The following SPATA22 variants were observed in gnomAD, a reference collection of about 807,000 sequenced individuals.
SPATA22 encodes spermatogenesis associated 22.
Under a neutral mutation model 47.8 loss-of-function variants are expected in SPATA22, and 29 were observed. That is an observed-to-expected ratio of 0.61 (90% CI 0.45 to 0.83). The LOEUF (loss-of-function observed/expected upper bound fraction) is 0.83. Among genes scored for constraint, SPATA22 ranks in the 40% least tolerant of loss-of-function variants. SPATA22 has a pLI of 0.00. For missense variants in SPATA22, 410 were observed against 421.7 expected, an observed-to-expected ratio of 0.97 and a Z score of 0.24; for synonymous variants, 133 against 140.9, an observed-to-expected ratio of 0.94 and a Z score of 0.40.
chr17:3,508,667 G>A (rs1049919379), intron 1 of SPATA22, among the ~76,000 whole-genome samples: 15 of 139,024 alleles, frequency 1.1e-4, no homozygotes, highest in African/African-American at 3.0e-4. Flanking sequence ...ACCAAACACC[G>A]CATGTTCTCA....
intron 7 of SPATA22, among the ~76,000 whole-genome samples, chr17:3,443,623 A>G (rs1324398495): frequency 1.3e-5 from 2 of 152,026 alleles, no homozygotes; most frequent in Middle Eastern, 3.2e-3. Context: ...GTAACAAATA[A>G]GCATCATAAT....
At position 3,448,997 on chromosome 17, in the gene SPATA22, G is replaced by A; in HGVS notation, c.482C>T (p.Pro161Leu). 1.2e-6 allele frequency: 2 copies of A among 1,613,914 alleles called. No homozygotes were observed. Among genetic ancestry groups the A allele is most frequent in the Non-Finnish European group, 1.7e-6 (2 of 1,179,942 alleles). The change falls in exon 6 of 9, where the codon CCT becomes CTT. Residue 161 changes from proline (P) to leucine (L), a missense_variant. Pro to Leu is a moderately conservative substitution (Grantham distance 98, BLOSUM62 -3). Coordinates refer to ENST00000572969, the MANE Select transcript of SPATA22 (RefSeq NM_001170698.2). ...GTTGCGAGATAAGTTAGGAGGTTCA[G>A]GTATTCTTAATTGTTTTTGTTGTTG... ...GAQQQKQLRIPEPPNLSRNKE... is the reference protein window; with the variant it reads ...GAQQQKQLRILEPPNLSRNKE...
At chr17:3,464,672 A>C (rs2073234167) in intron 3 of SPATA22, among the ~76,000 whole-genome samples, 1 of 132,628 alleles carries the variant, frequency 7.5e-6, no homozygotes, top group Admixed American at 7.6e-5. Context: ...CCCGGCCGCG[A>C]CCCCGTCTGG....
intron 1 of SPATA22, among the ~76,000 whole-genome samples, chr17:3,469,665 G>A (rs765690742): frequency 4.6e-5 from 7 of 151,968 alleles, no homozygotes; most frequent in African/African-American, 7.3e-5. Context: ...TCAGAATCCC[G>A]CACCCACAAA....
At chr17:3,472,437 G>C (rs572056886), upstream of SPATA22, 1 of 152,626 alleles carries the variant, frequency 6.6e-6, no homozygotes, top group African/African-American at 2.4e-5. Flanking sequence ...AAAGAGGACT[G>C]TGGATTCCTG....
intron 1 of SPATA22, among the ~76,000 whole-genome samples, chr17:3,479,308 C>G (rs2073586626): frequency 6.6e-6 from 1 of 152,152 alleles, no homozygotes; most frequent in African/African-American, 2.4e-5. Context: ...ATACTAGCAC[C>G]ATTTACTCAA....
chr17:3,444,299 A>T (rs2072667206), intron 7 of SPATA22, among the ~76,000 whole-genome samples: 1 of 152,042 alleles, frequency 6.6e-6, no homozygotes, highest in Admixed American at 6.6e-5. Context: ...CCCCAGATCC[A>T]CGAGTGAACT....
At chr17:3,482,227 G>A (rs953053269) in intron 1 of SPATA22, among the ~76,000 whole-genome samples, 2 of 152,062 alleles carry the variant, frequency 1.3e-5, no homozygotes, top group African/African-American at 2.4e-5. Flanking sequence ...AAGGTTTTAG[G>A]AAACTTAAGA....
At chr17:3,513,845 C>G in exon 1 of SPATA22, 4 of 1,341,302 alleles carry the variant, frequency 3.0e-6, no homozygotes, top group Non-Finnish European at 4.2e-6. Flanking sequence ...CTCAAAGCCT[C>G]TCTGCACAGA....
rs573048692 is a variant in SPATA22 at position 3,490,121 on chromosome 17, A to G, written c.-73-20723T>C. Among the ~76,000 whole-genome samples the G allele has an allele frequency of 1.1e-4, 17 of 152,320 alleles. No individual in the cohort carries two copies. Among genetic ancestry groups the G allele is most frequent in the African/African-American group, 3.1e-4 (13 of 41,574 alleles). On this transcript the variant is annotated intron_variant, in intron 1 of 8. Coordinates refer to the SPATA22 transcript ENST00000541913. The surrounding 1 kb of genome is among the most constrained non-coding windows in gnomAD (Gnocchi z 4.6). ...ATACATATATATGTTAACACATCACAGGGAAAGTCCTAGAAGAAAACACAC... is the reference window on the plus strand; with the variant it reads ...ATACATATATATGTTAACACATCACGGGGAAAGTCCTAGAAGAAAACACAC...
At chr17:3,492,525 T>C (rs531560298) in intron 1 of SPATA22, among the ~76,000 whole-genome samples, 51 of 152,304 alleles carry the variant, frequency 3.3e-4, no homozygotes, top group African/African-American at 1.2e-3. Context: ...TGTTCAGAGA[T>C]AGAGTCTATT....
chr17:3,509,723 T>C (rs1389486439), intron 1 of SPATA22, among the ~76,000 whole-genome samples: 1 of 152,212 alleles, frequency 6.6e-6, no homozygotes, highest in Non-Finnish European at 1.5e-5. Flanking sequence ...TGGTTGTGGA[T>C]CTTTGAGGAA....
chr17:3,489,235 G>T (rs2073778831), intron 1 of SPATA22: 1 of 1,591,556 alleles, frequency 6.3e-7, no homozygotes, highest in Non-Finnish European at 8.6e-7. Flanking sequence ...CTGTACCTAG[G>T]TATAGAAGTT....
In SPATA22 at chr17:3,467,458, GA is replaced by G. The variant is rs766660790; in HGVS notation, c.139del (p.Ser47LeufsTer18). The stretch of plus-strand genomic sequence containing the variant: ...TAGAGGAGGAAAATCATAATTGTCA[GA>G]AGGGGTACTGATACCTGAATCATCT... ...LKDDSGISTP[S>X]DNYDFPPLPT... On this transcript the variant is annotated frameshift_variant, in exon 3 of 9. Transcript: ENST00000572969. LOFTEE classifies it high-confidence loss of function. 70 of 1,606,344 alleles carry G rather than the reference GA, an allele frequency of 4.4e-5. No homozygotes were observed. The highest frequency in any genetic ancestry group is 5.6e-5 in the Non-Finnish European group (66 of 1,176,788).
At chr17:3,468,193 T>G (rs2073355601) in intron 2 of SPATA22, 1 of 152,202 alleles carries the variant, frequency 6.6e-6, no homozygotes, top group African/African-American at 2.4e-5. Context: ...CAAATGAGAA[T>G]AAATACTACT....
At chr17:3,443,007 G>A (rs940520702) in intron 8 of SPATA22, among the ~76,000 whole-genome samples, 167 bp downstream of exon 8, 6 of 152,040 alleles carry the variant, frequency 3.9e-5, no homozygotes, top group East Asian at 3.9e-4. Flanking sequence ...TACCTAGCAC[G>A]TAGTAGGCTC....
At chr17:3,509,324 AC>A (rs1221577590) in intron 1 of SPATA22, among the ~76,000 whole-genome samples, 2 of 149,350 alleles carry the variant, frequency 1.3e-5, no homozygotes, top group East Asian at 3.9e-4. Context: ...CTCACCCCCT[AC>A]CCCCCAACAG....
Position 3,490,898 on chromosome 17 carries a change from T to C in SPATA22, c.-73-21500A>G, listed in dbSNP as rs1170350303. On this transcript the variant is annotated intron_variant, in intron 1 of 8. Coordinates refer to the SPATA22 transcript ENST00000541913. The surrounding 1 kb of genome is among the most constrained non-coding windows in gnomAD (Gnocchi z 4.6). ...ATCTCTGCTTCAACCAGAGCTCTTC[T>C]GTGTAACATTTCATTTAAGCAAAGG... 6.6e-6 allele frequency among the ~76,000 whole-genome samples: 1 copy of C among 152,198 alleles called. No individual in the cohort carries two copies. The highest frequency in any genetic ancestry group is 1.5e-5 in the Non-Finnish European group (1 of 68,036).
At chr17:3,513,766 A>C in exon 1 of SPATA22, 1 of 608,916 alleles carries the variant, frequency 1.6e-6, no homozygotes, top group Non-Finnish European at 2.9e-6. Context: ...CTCAGTTCAG[A>C]CACCCACTGA....
Sources: allele counts gnomAD v4.1 joint callset (sites outside exome capture counted in the v4.1 genomes callset), GRCh38; gene constraint gnomAD v4.1.1; non-coding constraint Gnocchi (gnomAD v3.1); transcripts MANE v1.5; gene names NCBI Gene and HGNC (gene_info 2026-07-23, HGNC 2026-07-21).